The following CTIF variants were observed in gnomAD, a reference collection of about 807,000 sequenced individuals.
The protein encoded by CTIF is cap binding complex dependent translation initiation factor.
A neutral mutation model predicts 66.0 loss-of-function variants in CTIF; 21 were observed. The observed-to-expected ratio is 0.32, with a 90% CI of 0.23 to 0.46. The LOEUF (loss-of-function observed/expected upper bound fraction) is 0.46. Among genes scored for constraint, CTIF ranks in the 20% least tolerant of loss-of-function variants. The pLI is 1.00. For missense variants in CTIF, 739 were observed against 812.7 expected (o/e 0.91, Z 1.10); for synonymous variants, 345 against 326.4 (o/e 1.06, Z -0.62).
chr18:48,709,565 TGCC>T (rs1299196760), intron 6 of CTIF, among the ~76,000 whole-genome samples: 2 of 152,208 alleles, frequency 1.3e-5, no homozygotes, highest in Admixed American at 6.5e-5. Context: ...TCCTAGTCCC[TGCC>T]GCCGCCGGTA....
chr18:48,775,141 G>A (rs952014421), intron 9 of CTIF, among the ~76,000 whole-genome samples: 2 of 152,172 alleles, frequency 1.3e-5, no homozygotes, highest in African/African-American at 2.4e-5. Context: ...TAGTTGTGGC[G>A]CCATGCAACT....
intron 7 of CTIF, among the ~76,000 whole-genome samples, chr18:48,745,065 G>A (rs1176659111): frequency 3.3e-5 from 5 of 152,086 alleles, no homozygotes; most frequent in Non-Finnish European, 4.4e-5. Flanking sequence ...CATGTGATCC[G>A]CCTGCCTCGG....
At chr18:48,639,722 G>A (rs1233644912) in intron 3 of CTIF, among the ~76,000 whole-genome samples, 1 of 152,320 alleles carries the variant, frequency 6.6e-6, no homozygotes. Flanking sequence ...CTGGATGGGC[G>A]TTTGGGGCTG....
intron 2 of CTIF, among the ~76,000 whole-genome samples, chr18:48,630,800 C>T (rs193141378): frequency 5.3e-4 from 80 of 152,162 alleles, no homozygotes; most frequent in Non-Finnish European, 8.7e-4. Context: ...CTCAGCCTCC[C>T]AAGTAGCTGG....
chr18:48,594,952 C>T (rs1019778158), intron 1 of CTIF, among the ~76,000 whole-genome samples: 2 of 152,188 alleles, frequency 1.3e-5, no homozygotes, highest in East Asian at 1.9e-4. Flanking sequence ...GCCTGCTGGG[C>T]CCTGAAGGCC....
At position 48,758,146 on chromosome 18, in the gene CTIF, C is replaced by T. The variant is rs775834192; in HGVS notation, c.812C>T (p.Ala271Val). Reference protein sequence around the residue: ...DKGEAGAHRNAKETMTIENPK... With the variant: ...DKGEAGAHRNVKETMTIENPK... ...GGGGAGGCAGGCGCACACCGCAATG[C>T]CAAAGAGACCATGACCATCGAGAAC... Residue 271 changes from alanine to valine, a missense_variant, in exon 8 of 12, where the codon GCC (alanine) becomes GTC (valine). By Grantham distance (64) the Ala-to-Val change is moderately conservative. Around this residue, in one of 2 missense-constraint regions of CTIF, gnomAD observed 529 missense variants for 520.3 expected, o/e 1.02. Transcript: ENST00000256413. 14 of 1,613,922 alleles carry T rather than the reference C, an allele frequency of 8.7e-6. No individual in the cohort carries two copies. The Admixed American group carries it at 1.7e-4, about 19-fold the overall frequency.
intron 3 of CTIF, among the ~76,000 whole-genome samples, chr18:48,649,909 C>G (rs2091124288): frequency 6.6e-6 from 1 of 152,240 alleles, no homozygotes; most frequent in African/African-American, 2.4e-5. Flanking sequence ...GGAAAACTAA[C>G]ACACAGAAAG....
intron 3 of CTIF, among the ~76,000 whole-genome samples, chr18:48,640,138 C>G (rs1341895940): frequency 2.0e-5 from 3 of 152,174 alleles, no homozygotes; most frequent in African/African-American, 7.2e-5. Context: ...CTTCAAGGCT[C>G]CCTTCAGCCT....
chr18:48,631,423 G>A (rs1202010437), intron 2 of CTIF, among the ~76,000 whole-genome samples: 1 of 152,250 alleles, frequency 6.6e-6, no homozygotes, highest in Non-Finnish European at 1.5e-5. Context: ...CCAAGATTGT[G>A]CCACTGCACT....
intron 1 of CTIF, among the ~76,000 whole-genome samples, chr18:48,540,849 C>T (rs1048377005): frequency 1.3e-5 from 2 of 151,914 alleles, no homozygotes; most frequent in South Asian, 2.1e-4. Flanking sequence ...TGTCCCCGCG[C>T]GCGCGCGCCC....
intron 6 of CTIF, among the ~76,000 whole-genome samples, chr18:48,711,281 C>T (rs1365661739): frequency 3.9e-5 from 6 of 152,230 alleles, no homozygotes; most frequent in Non-Finnish European, 8.8e-5. Flanking sequence ...GGCCCCAGCT[C>T]TGTTGCTCAT....
At chr18:48,706,143 C>T (rs751279253) in intron 6 of CTIF, among the ~76,000 whole-genome samples, 1 of 152,212 alleles carries the variant, frequency 6.6e-6, no homozygotes, top group Non-Finnish European at 1.5e-5. Context: ...CCGTCCCTCT[C>T]TCATCCCCTT....
rs536480657 is a variant in CTIF, at chr18:48,650,330, A to G, written c.253-13422A>G. Among the ~76,000 whole-genome samples the G allele has an allele frequency of 5.9e-5, 9 of 152,376 alleles. No individual in the cohort carries two copies. The East Asian group carries it at 1.7e-3, about 29-fold the overall frequency. On this transcript the variant is annotated intron_variant, in intron 3 of 11. Coordinates refer to ENST00000256413, the MANE Select transcript of CTIF (RefSeq NM_014772.3). ...ACCATGGCATGAGAACTCGTGACGC[A>G]TGCACAAGCTTTAATAGTCAATTTG...
At chr18:48,599,964 T>A (rs2090061141) in intron 1 of CTIF, among the ~76,000 whole-genome samples, 1 of 152,126 alleles carries the variant, frequency 6.6e-6, no homozygotes, top group Non-Finnish European at 1.5e-5. Context: ...TGTGACACCC[T>A]CCAAGTGGCC....
chr18:48,697,374 C>T (rs1233065613), intron 6 of CTIF, among the ~76,000 whole-genome samples: 2 of 152,282 alleles, frequency 1.3e-5, no homozygotes, highest in African/African-American at 2.4e-5. Flanking sequence ...GAAGTTTGTC[C>T]AGTGTGCTGT....
chr18:48,779,527 C>T (rs573055967), intron 9 of CTIF, among the ~76,000 whole-genome samples: 203 of 152,268 alleles, frequency 1.3e-3, no homozygotes, highest in African/African-American at 3.1e-3. Flanking sequence ...GACAGGGAAA[C>T]GAGATAAGAA....
chr18:48,576,165 G>C (rs374830770), intron 1 of CTIF, among the ~76,000 whole-genome samples: 35 of 152,382 alleles, frequency 2.3e-4, no homozygotes, highest in African/African-American at 7.5e-4. Context: ...CTGTGTTTTG[G>C]GGGTGTATGG....
At chr18:48,548,880 A>G (rs2088818429) in intron 1 of CTIF, among the ~76,000 whole-genome samples, 3 of 152,222 alleles carry the variant, frequency 2.0e-5, no homozygotes, top group Non-Finnish European at 4.4e-5. Context: ...CCATCTGCCC[A>G]TCTTGCTGGG....
chr18:48,834,032 T>TG (rs2068752845), intron 10 of CTIF, among the ~76,000 whole-genome samples: 1 of 138,664 alleles, frequency 7.2e-6, no homozygotes, highest in Non-Finnish European at 1.6e-5. Flanking sequence ...TTCCCCCTCC[T>TG]TTCCCCTCCC....
Sources: gnomAD v4.1 joint callset for allele counts (sites outside exome capture counted in the v4.1 genomes callset) on GRCh38, gnomAD v4.1.1 for gene constraint, gnomAD v4.1.1 regional missense constraint, MANE v1.5 for transcripts, NCBI Gene and HGNC (gene_info 2026-07-23, HGNC 2026-07-21) for gene names.